NETO1: variants seen among roughly 807,000 people sequenced by gnomAD.
The protein encoded by NETO1 is neuropilin and tolloid like 1.
In NETO1, 26 loss-of-function variants were observed where a neutral mutation model predicts 61.3. The observed-to-expected ratio is 0.42, with a 90% CI of 0.31 to 0.59. The LOEUF (loss-of-function observed/expected upper bound fraction) is 0.59. Among genes scored for constraint, NETO1 ranks in the 20% least tolerant of loss-of-function variants. The pLI is 0.12. For missense variants in NETO1, 531 were observed against 662.8 expected (o/e 0.80, Z 2.18); for synonymous variants, 225 against 225.8 (o/e 1.00, Z 0.03).
At chr18:72,765,264 G>A (rs563223847) in intron 7 of NETO1, among the ~76,000 whole-genome samples, 1 of 152,168 alleles carries the variant, frequency 6.6e-6, no homozygotes, top group Non-Finnish European at 1.5e-5. Context: ...ACCCATGTTG[G>A]TTTTCCCACA....
chr18:72,807,316 T>G (rs1215349705), intron 4 of NETO1, among the ~76,000 whole-genome samples: 4 of 152,176 alleles, frequency 2.6e-5, no homozygotes, highest in Admixed American at 6.5e-5. Context: ...ATATATAAAT[T>G]TAAGAAACCA....
At chr18:72,788,616 T>C (rs2072003102) in intron 6 of NETO1, among the ~76,000 whole-genome samples, 1 of 152,048 alleles carries the variant, frequency 6.6e-6, no homozygotes, top group Non-Finnish European at 1.5e-5. Flanking sequence ...AAATAGATTA[T>C]CATCTCTTCT....
intron 4 of NETO1, among the ~76,000 whole-genome samples, chr18:72,818,822 T>C (rs564966565): frequency 6.6e-6 from 1 of 152,310 alleles, no homozygotes; most frequent in South Asian, 2.1e-4. Context: ...CATGTTCTTT[T>C]AAAACTCTCA....
intron 4 of NETO1, among the ~76,000 whole-genome samples, chr18:72,827,841 A>C (rs2073434638): frequency 6.6e-6 from 1 of 152,194 alleles, no homozygotes; most frequent in African/African-American, 2.4e-5. Flanking sequence ...TTCTGTGAGA[A>C]TTTTGCACTT....
intron 4 of NETO1, among the ~76,000 whole-genome samples, chr18:72,802,490 C>T (rs764748589): frequency 6.6e-6 from 1 of 152,220 alleles, no homozygotes; most frequent in Non-Finnish European, 1.5e-5. Flanking sequence ...AACGGATGTA[C>T]AAACTTGGCT....
chr18:72,800,323 C>T lies in NETO1; in HGVS notation c.470-5919G>A, dbSNP rs554264371. Among the ~76,000 whole-genome samples the T allele has an allele frequency of 6.6e-5, 10 of 152,316 alleles. No individual in the cohort carries two copies. In the East Asian group the frequency reaches 1.5e-3, roughly 24 times the overall value. On this transcript the variant is annotated intron_variant, in intron 4 of 10. Coordinates refer to ENST00000327305, the MANE Select transcript of NETO1 (RefSeq NM_138966.5). ...CATACGTGCTGGATTAAAGTCAAGG[C>T]AGAATATCCTGAGATTGCCACAGAA...
rs1376962541 is a variant in NETO1, at chr18:72,764,156, A to G, written c.869-8009T>C. Among the ~76,000 whole-genome samples the G allele has an allele frequency of 2.6e-5, 4 of 152,292 alleles. No homozygotes were observed. The East Asian group carries it at 5.8e-4, about 22-fold the overall frequency. ...TTGGGTGGCGACACAGAGCCAAACCATATCAGAGTACATTTACATCTTCTT... is the reference window on the plus strand; with the variant it reads ...TTGGGTGGCGACACAGAGCCAAACCGTATCAGAGTACATTTACATCTTCTT... On this transcript the variant is annotated intron_variant, in intron 7 of 10. Transcript: ENST00000327305.
intron 4 of NETO1, among the ~76,000 whole-genome samples, chr18:72,843,884 G>A (rs977744916): frequency 1.3e-5 from 2 of 152,160 alleles, no homozygotes; most frequent in African/African-American, 2.4e-5. Flanking sequence ...ACACAACACC[G>A]TGTTCTAATT....
chr18:72,761,907 T>C (rs2070987027), intron 7 of NETO1, among the ~76,000 whole-genome samples: 1 of 152,198 alleles, frequency 6.6e-6, no homozygotes, highest in Non-Finnish European at 1.5e-5. Context: ...TATGTTAGTT[T>C]TGGTGAGTCT....
intron 4 of NETO1, among the ~76,000 whole-genome samples, chr18:72,812,459 T>G (rs928016718): frequency 6.6e-6 from 1 of 152,238 alleles, no homozygotes; most frequent in Non-Finnish European, 1.5e-5. Context: ...TCATTGAATT[T>G]TAAGTGATCC....
chr18:72,827,479 A>G (rs1253292319), intron 4 of NETO1, among the ~76,000 whole-genome samples: 5 of 152,202 alleles, frequency 3.3e-5, no homozygotes, highest in Admixed American at 3.3e-4. Context: ...GGCCAGGCCC[A>G]AAGCAGGAGA....
intron 4 of NETO1, among the ~76,000 whole-genome samples, chr18:72,799,591 G>A (rs1040299170): frequency 1.3e-5 from 2 of 152,236 alleles, no homozygotes; most frequent in African/African-American, 4.8e-5. Context: ...ATACAGAAAT[G>A]CTGTGCTGGC....
rs552930840 is a variant in NETO1, at chr18:72,774,633, G to A, written c.868+9045C>T. Among the ~76,000 whole-genome samples the A allele has an allele frequency of 1.7e-4, 26 of 152,092 alleles. No individual in the cohort carries two copies. In the South Asian group the frequency reaches 4.6e-3, roughly 27 times the overall value. ...TCTCAAATTGGATGAATTCTTTATC[G>A]CAAATATGTTTCTTGGTATTTGTGG... On this transcript the variant is annotated intron_variant, in intron 7 of 10. Transcript: ENST00000327305.
At chr18:72,842,822 G>C (rs910540352) in intron 4 of NETO1, among the ~76,000 whole-genome samples, 5 of 152,080 alleles carry the variant, frequency 3.3e-5, no homozygotes, top group African/African-American at 1.2e-4. Flanking sequence ...ACACCTCATA[G>C]GTATAGCATA....
chr18:72,852,703 G>C (rs1568263109), intron 4 of NETO1, among the ~76,000 whole-genome samples: 1 of 151,844 alleles, frequency 6.6e-6, no homozygotes, highest in Non-Finnish European at 1.5e-5. Context: ...CCCTCCTCCT[G>C]AGCCCACTAT....
chr18:72,837,283 T>C lies in NETO1; in HGVS notation c.469+21543A>G, dbSNP rs74550068. ...GTGCAGGGTACATCTAGGGAATTCC[T>C]GGTACATAGCTCTGAATTCTGAATT... On this transcript the variant is annotated intron_variant, in intron 4 of 10. Transcript: ENST00000327305. Among the ~76,000 whole-genome samples the C allele has an allele frequency of 9.6e-3, 1,455 of 152,288 alleles. 29 individuals are homozygous for C. Among genetic ancestry groups the C allele is most frequent in the African/African-American group, 0.033 (1,373 of 41,560 alleles).
At chr18:72,815,665 G>A (rs187965125) in intron 4 of NETO1, among the ~76,000 whole-genome samples, 6 of 152,314 alleles carry the variant, frequency 3.9e-5, no homozygotes, top group African/African-American at 1.4e-4. Flanking sequence ...AGTTTCACGT[G>A]TATGTGGAAC....
intron 6 of NETO1, among the ~76,000 whole-genome samples, chr18:72,790,828 T>A (rs1260407738): frequency 6.6e-6 from 1 of 152,140 alleles, no homozygotes; most frequent in Non-Finnish European, 1.5e-5. Context: ...ATTTATTCCA[T>A]GAGTTTTACT....
chr18:72,808,053 T>G (rs997574318), intron 4 of NETO1, among the ~76,000 whole-genome samples: 1 of 152,172 alleles, frequency 6.6e-6, no homozygotes, highest in African/African-American at 2.4e-5. Context: ...GCCAGTGCTA[T>G]TAGTGAATAA....
Sources: gnomAD v4.1 joint callset for allele counts (sites outside exome capture counted in the v4.1 genomes callset) on GRCh38, gnomAD v4.1.1 for gene constraint, MANE v1.5 for transcripts, NCBI Gene and HGNC (gene_info 2026-07-23, HGNC 2026-07-21) for gene names.